The following DLGAP1 variants were observed in gnomAD, a reference collection of about 807,000 sequenced individuals.
The protein encoded by DLGAP1 is disks large-associated protein 1.
A neutral mutation model predicts 90.8 loss-of-function variants in DLGAP1; 11 were observed. The observed-to-expected ratio is 0.12, with a 90% CI of 0.08 to 0.20. The LOEUF (loss-of-function observed/expected upper bound fraction) is 0.20. DLGAP1 is among the 10% of genes least tolerant of loss of function. The pLI is 1.00. For synonymous variants in DLGAP1, 558 were observed against 540.7 expected (o/e 1.03, Z -0.44); for missense variants, 1,050 against 1,333.8 (o/e 0.79, Z 3.31).
chr18:3,667,280 T>C (rs1286886519), intron 7 of DLGAP1, among the ~76,000 whole-genome samples: 1 of 152,112 alleles, frequency 6.6e-6, no homozygotes, highest in African/African-American at 2.4e-5. Flanking sequence ...GGTTTTACCA[T>C]GTTGGCCAGG....
At chr18:3,541,516 C>T (rs1293177634) in intron 9 of DLGAP1, among the ~76,000 whole-genome samples, 2 of 152,162 alleles carry the variant, frequency 1.3e-5, no homozygotes, top group Non-Finnish European at 2.9e-5. Flanking sequence ...TCCAAGGAAA[C>T]TTTGAAGAGT....
chr18:4,283,018 C>T (rs1352883111), intron 1 of DLGAP1, among the ~76,000 whole-genome samples: 2 of 151,836 alleles, frequency 1.3e-5, no homozygotes, highest in African/African-American at 2.4e-5. Flanking sequence ...GACATTATGC[C>T]GTATGAAAAA....
intron 11 of DLGAP1, among the ~76,000 whole-genome samples, chr18:3,503,589 T>TC (rs2050059896): frequency 6.6e-6 from 1 of 152,344 alleles, no homozygotes; most frequent in Non-Finnish European, 1.5e-5. Flanking sequence ...GGTATCTGTT[T>TC]TGGTGACCTC....
intron 1 of DLGAP1, among the ~76,000 whole-genome samples, chr18:4,358,467 T>G (rs1050650106): frequency 8.5e-5 from 13 of 152,228 alleles, no homozygotes; most frequent in Non-Finnish European, 1.9e-4. Context: ...CCAGTGTGTG[T>G]GCCGCTTAGG....
At chr18:4,101,084 C>G (rs1308930573) in intron 2 of DLGAP1, among the ~76,000 whole-genome samples, 1 of 152,206 alleles carries the variant, frequency 6.6e-6, no homozygotes, top group Admixed American at 6.5e-5. Context: ...TTTGCATTCA[C>G]AACTTGGCTA....
chr18:3,741,475 A>G (rs2063041723), intron 6 of DLGAP1, among the ~76,000 whole-genome samples: 1 of 151,238 alleles, frequency 6.6e-6, no homozygotes, highest in Admixed American at 6.6e-5. Context: ...CATCACCATT[A>G]CTATCACTAC....
At chr18:3,802,670 CTT>C (rs1186303334) in intron 5 of DLGAP1, among the ~76,000 whole-genome samples, 3 of 151,986 alleles carry the variant, frequency 2.0e-5, no homozygotes, top group Non-Finnish European at 2.9e-5. Flanking sequence ...AATTTCAAAA[CTT>C]ACAAATAATG....
intron 1 of DLGAP1, among the ~76,000 whole-genome samples, chr18:4,220,080 A>G (rs2078043631): frequency 1.3e-5 from 2 of 152,078 alleles, no homozygotes; most frequent in African/African-American, 2.4e-5. Context: ...TAGTGTGGGC[A>G]TTTTAACACT....
intron 2 of DLGAP1, among the ~76,000 whole-genome samples, chr18:4,015,164 C>T (rs376421029): frequency 1.3e-5 from 2 of 152,256 alleles, no homozygotes; most frequent in East Asian, 3.9e-4. Flanking sequence ...TGGAAAAACA[C>T]TTAGAGAGAC....
chr18:4,001,599 A>G (rs1234187856), intron 3 of DLGAP1, among the ~76,000 whole-genome samples: 1 of 152,130 alleles, frequency 6.6e-6, no homozygotes, highest in Non-Finnish European at 1.5e-5. Flanking sequence ...GTTTACAAGT[A>G]TGTATCTGCT....
intron 7 of DLGAP1, among the ~76,000 whole-genome samples, chr18:3,610,155 TA>T (rs1186021201): frequency 6.6e-6 from 1 of 152,130 alleles, no homozygotes; most frequent in African/African-American, 2.4e-5. Flanking sequence ...TTAAAAAAAC[TA>T]AAACTATTTT....
At chr18:3,687,262 C>G (rs2060734584) in intron 7 of DLGAP1, among the ~76,000 whole-genome samples, 1 of 152,202 alleles carries the variant, frequency 6.6e-6, no homozygotes, top group Non-Finnish European at 1.5e-5. Flanking sequence ...TACAGGCACT[C>G]TCTCTTACAC....
chr18:4,269,907 T>A (rs1428475213), intron 1 of DLGAP1, among the ~76,000 whole-genome samples: 1 of 152,216 alleles, frequency 6.6e-6, no homozygotes, highest in Non-Finnish European at 1.5e-5. Context: ...AAATTCTGTT[T>A]GTAAAGTCTT....
chr18:4,360,054 G>A (rs111900933), intron 1 of DLGAP1, among the ~76,000 whole-genome samples: 38 of 152,276 alleles, frequency 2.5e-4, no homozygotes, highest in African/African-American at 8.7e-4. Context: ...GAGTTGTGTA[G>A]ACAATTATGG....
chr18:4,076,506 T>C (rs2075524997), intron 2 of DLGAP1, among the ~76,000 whole-genome samples: 1 of 152,220 alleles, frequency 6.6e-6, no homozygotes, highest in South Asian at 2.1e-4. Context: ...AACTAGCATT[T>C]AGGATCATTA....
At chr18:3,970,752 T>C (rs553985045) in intron 3 of DLGAP1, among the ~76,000 whole-genome samples, 22 of 148,680 alleles carry the variant, frequency 1.5e-4, no homozygotes, top group Non-Finnish European at 3.2e-4. Context: ...ATTAGAGATA[T>C]CTTGACATTA....
intron 4 of DLGAP1, among the ~76,000 whole-genome samples, chr18:3,872,518 C>A (rs1341075259): frequency 1.3e-5 from 2 of 152,084 alleles, no homozygotes; most frequent in African/African-American, 4.8e-5. Context: ...AAAAATTCTC[C>A]CTGTGTGATA....
intron 5 of DLGAP1, among the ~76,000 whole-genome samples, chr18:3,803,194 C>A (rs1021491621): frequency 6.6e-6 from 1 of 152,074 alleles, no homozygotes; most frequent in Non-Finnish European, 1.5e-5. Flanking sequence ...ACGACTGGAC[C>A]CCCCCTAGCA....
intron 2 of DLGAP1, among the ~76,000 whole-genome samples, chr18:4,043,670 T>C (rs761571251): frequency 2.0e-5 from 3 of 152,214 alleles, no homozygotes; most frequent in Non-Finnish European, 4.4e-5. Flanking sequence ...AGCAAGCACC[T>C]GAAGATTTTA....
Sources: gnomAD v4.1 joint callset for allele counts (sites outside exome capture counted in the v4.1 genomes callset) on GRCh38, gnomAD v4.1.1 for gene constraint, MANE v1.5 for transcripts, NCBI Gene and HGNC (gene_info 2026-07-23, HGNC 2026-07-21) for gene names.